MYH7B: variants seen among roughly 807,000 people sequenced by gnomAD.
The protein encoded by MYH7B is myosin-7B.
In MYH7B, 205 loss-of-function variants were observed where a neutral mutation model predicts 234.5. The ratio of observed to expected loss-of-function variants is 0.87; its 90% CI spans 0.78 to 0.98. The LOEUF is 0.98. MYH7B is among the 50% of genes least tolerant of loss of function. MYH7B has a pLI of 0.00. For synonymous variants in MYH7B, 1,193 were observed against 1,105.0 expected (o/e 1.08, Z -1.58); for missense variants, 2,652 against 2,633.4 (o/e 1.01, Z -0.15).
chr20:34,977,615 T>A lies in MYH7B; in HGVS notation c.-121-17T>A. 1 of 1,574,354 alleles carries A rather than the reference T, an allele frequency of 6.4e-7. No homozygotes were observed. The highest frequency in any genetic ancestry group is 8.6e-7 in the Non-Finnish European group (1 of 1,159,382). ...GTGGAGATTGCTGACATAGCTCTCC[T>A]CCTCTGACCTTGACAGTGGCAATAA... On this transcript the variant is annotated splice_polypyrimidine_tract_variant and intron_variant, in intron 3 of 44. Coordinates refer to ENST00000262873, the Ensembl canonical transcript of MYH7B.
intron 24 of MYH7B, among the ~76,000 whole-genome samples, chr20:34,991,575 T>C (rs554256349): frequency 1.1e-4 from 17 of 152,068 alleles, no homozygotes; most frequent in Middle Eastern, 3.4e-3. Context: ...ATGGGGGAGA[T>C]TGGGATTATC....
exon 33 of MYH7B, chr20:34,998,343 G>T: frequency 6.2e-7 from 1 of 1,613,992 alleles, no homozygotes; most frequent in South Asian, 1.1e-5. Flanking sequence ...GCTAAGCGAG[G>T]CCAAGATCAA....
At chr20:34,970,134 C>T (rs1436105429) in intron 2 of MYH7B, among the ~76,000 whole-genome samples, 6 of 152,166 alleles carry the variant, frequency 3.9e-5, no homozygotes, top group Non-Finnish European at 8.8e-5. Flanking sequence ...GCCTCCCAAG[C>T]TTGAGACATG....
chr20:34,960,031 A>T (rs903288987), intron 2 of MYH7B, among the ~76,000 whole-genome samples: 1 of 152,224 alleles, frequency 6.6e-6, no homozygotes, highest in Admixed American at 6.5e-5. Context: ...ACCTTGGGAC[A>T]TGCCATGGGC....
intron 22 of MYH7B, 150 bp downstream of exon 22, chr20:34,990,460 C>G: frequency 1.0e-6 from 1 of 972,860 alleles, no homozygotes; most frequent in South Asian, 1.3e-5. Context: ...CACAGCAAGT[C>G]TGTGCTGCTT....
exon 45 of MYH7B, chr20:35,002,312 A>C: frequency 9.2e-7 from 1 of 1,085,210 alleles, no homozygotes; most frequent in South Asian, 1.8e-5. Flanking sequence ...TGGGCCCTGA[A>C]TAAACACCAC....
In MYH7B at chr20:34,980,566, C is replaced by T; in HGVS notation, c.343-12C>T. The T allele has an allele frequency of 1.9e-6, 3 of 1,608,382 alleles. No homozygotes were observed. Among genetic ancestry groups the T allele is most frequent in the Non-Finnish European group, 2.6e-6 (3 of 1,174,870 alleles). The stretch of plus-strand genomic sequence containing the variant: ...AACAACAACATAAACCCTACCTATA[C>T]TCTCTCTTCAGACCTACTCAGGCCT... On this transcript the variant is annotated splice_polypyrimidine_tract_variant and intron_variant, in intron 7 of 44. Transcript: ENST00000262873.
At chr20:34,977,985 C>T in exon 5 of MYH7B, 1 of 1,614,116 alleles carries the variant, frequency 6.2e-7, no homozygotes, top group Admixed American at 1.7e-5. Flanking sequence ...GCTCCTCCTC[C>T]TTCACCCCAG....
At chr20:34,979,252 T>C in intron 5 of MYH7B, 138 bp from the exon 6 acceptor site, 1 of 625,126 alleles carries the variant, frequency 1.6e-6, no homozygotes. Context: ...GGAGGGTTCT[T>C]CACTGGAACT....
At chr20:34,972,128 A>G (rs964090578) in intron 2 of MYH7B, among the ~76,000 whole-genome samples, 3 of 152,276 alleles carry the variant, frequency 2.0e-5, no homozygotes, top group South Asian at 2.1e-4. Flanking sequence ...AGTGGTCACT[A>G]TGAAACTTCA....
At position 35,000,676 on chromosome 20, in the gene MYH7B, T is replaced by C. The variant is rs1415442189; in HGVS notation, c.5165T>C (p.Leu1722Pro). The C allele has an allele frequency of 1.9e-6, 3 of 1,591,876 alleles. No individual in the cohort carries two copies. The African/African-American group carries it at 4.0e-5, about 21-fold the overall frequency. ...TTGGAGGCCACCGAGCGCCTCAACC[T>C]TCTGCATTCGCAGGTGGGGACAGGA... Residue 1722 changes from leucine (L) to proline (P), a missense_variant, in exon 39 of 45, where the codon CTT becomes CCT. Transcript: ENST00000262873.
rs1044837389 is a variant in MYH7B, at chr20:34,975,581, A to G, written c.-122+82A>G. 42 of 683,774 alleles carry G rather than the reference A, an allele frequency of 6.1e-5. 1 individual carries two copies. In the South Asian group the frequency reaches 6.4e-4, roughly 10 times the overall value. 42.4% of individuals were successfully genotyped at this position (683,774 alleles called of 1,614,324 possible). On this transcript the variant is annotated intron_variant, in intron 3 of 44. Transcript: ENST00000262873. ...GATCATTCACTGCAGCCTTGACTGT[A>G]ATGGCAAAAGACTGAAAACAATCGA...
intron 2 of MYH7B, among the ~76,000 whole-genome samples, chr20:34,964,082 G>T (rs2081722040): frequency 1.3e-5 from 2 of 152,090 alleles, no homozygotes; most frequent in Admixed American, 6.6e-5. Context: ...ACTAATAGAT[G>T]CCTCCTGTGC....
chr20:34,980,061 A>G (rs973438667), intron 7 of MYH7B: 8 of 530,880 alleles, frequency 1.5e-5, no homozygotes, highest in Non-Finnish European at 2.7e-5. Flanking sequence ...CGGGTCTAGA[A>G]CTCACCTGCG....
chr20:34,977,895 G>C (rs201331534), intron 4 of MYH7B, 39 bp from the exon 5 acceptor site: 30 of 1,610,570 alleles, frequency 1.9e-5, no homozygotes, highest in Non-Finnish European at 2.5e-5. Flanking sequence ...TTGGGGGATC[G>C]TGCCCTAGTT....
At chr20:34,960,557 G>T (rs1283166174) in intron 2 of MYH7B, among the ~76,000 whole-genome samples, 1 of 152,224 alleles carries the variant, frequency 6.6e-6, no homozygotes, top group African/African-American at 2.4e-5. Flanking sequence ...CTTTTGATTG[G>T]AACATCTCTG....
Position 34,977,935 on chromosome 20 carries a change from G to A in MYH7B, c.-71G>A, listed in dbSNP as rs757560434. 9.9e-6 allele frequency: 16 copies of A among 1,613,442 alleles called. No individual in the cohort carries two copies. The Admixed American group carries it at 2.3e-4, about 24-fold the overall frequency. The stretch of plus-strand genomic sequence containing the variant: ...TCCCTTGTCACTGCCATCTTCCAGT[G>A]CCTGCTGCCTTGGGCCGCCTTGAAC... On this transcript the variant is annotated splice_region_variant and 5_prime_UTR_variant, in exon 5 of 45. Transcript: ENST00000262873.
At chr20:34,960,761 T>C (rs747597792) in intron 2 of MYH7B, among the ~76,000 whole-genome samples, 7 of 152,336 alleles carry the variant, frequency 4.6e-5, no homozygotes, top group Non-Finnish European at 7.4e-5. Flanking sequence ...TGGGCCAGCA[T>C]TGCTGCTCAG....
At chr20:34,964,933 A>C (rs2081729831) in intron 2 of MYH7B, among the ~76,000 whole-genome samples, 1 of 152,222 alleles carries the variant, frequency 6.6e-6, no homozygotes, top group South Asian at 2.1e-4. Context: ...TAATGATAAT[A>C]AGAAAATGAA....
Sources: allele counts gnomAD v4.1 joint callset (sites outside exome capture counted in the v4.1 genomes callset), GRCh38; gene constraint gnomAD v4.1.1; transcripts MANE v1.5; gene names NCBI Gene and HGNC (gene_info 2026-07-23, HGNC 2026-07-21).